Variants in PDE4D observed in about 807,000 individuals in gnomAD.
PDE4D encodes 3',5'-cyclic-AMP phosphodiesterase 4D.
A neutral mutation model predicts 87.4 loss-of-function variants in PDE4D; 24 were observed. That is an observed-to-expected ratio of 0.27 (90% CI 0.20 to 0.39). The LOEUF (loss-of-function observed/expected upper bound fraction) is 0.39. Among genes scored for constraint, PDE4D ranks in the 10% least tolerant of loss-of-function variants. The pLI, the probability that PDE4D is intolerant of heterozygous loss-of-function variation, is 1.00. For synonymous variants in PDE4D, 384 were observed against 383.2 expected, an observed-to-expected ratio of 1.00 and a Z score of -0.02; for missense variants, 714 against 1,041.0, an observed-to-expected ratio of 0.69 and a Z score of 4.32.
intron 1 of PDE4D, among the ~76,000 whole-genome samples, chr5:59,279,804 T>C (rs1288392311): frequency 6.9e-6 from 1 of 145,484 alleles, no homozygotes; most frequent in Non-Finnish European, 1.5e-5. Flanking sequence ...TGTATGTGTA[T>C]GTGTGTGTTT....
At chr5:59,275,588 G>A (rs1437567341) in intron 1 of PDE4D, 1 of 1,373,698 alleles carries the variant, frequency 7.3e-7, no homozygotes, top group Non-Finnish European at 9.4e-7. Flanking sequence ...TAACACGCAG[G>A]AGCGCTTTCT....
At position 60,386,208 on chromosome 5, in the gene PDE4D, A is replaced by G. The variant is rs1462678280; in HGVS notation, c.-90+101734T>C. On this transcript the variant is annotated intron_variant, in intron 1 of 16. Coordinates refer to the PDE4D transcript ENST00000502484. ...TAATTTTCCCTTTAGTACGTGCTTT[A>G]AAAAAAAATGACTAATTAGGAATTT... 2.0e-5 allele frequency among the ~76,000 whole-genome samples: 3 copies of G among 151,360 alleles called. No homozygotes were observed. In the East Asian group the frequency reaches 5.8e-4, roughly 29 times the overall value.
intron 1 of PDE4D, among the ~76,000 whole-genome samples, chr5:59,306,633 C>T (rs531769053): frequency 6.6e-6 from 1 of 152,048 alleles, no homozygotes; most frequent in African/African-American, 2.4e-5. Context: ...AATAAAATAC[C>T]TATGAATCCA....
In PDE4D at chr5:59,807,697, A is replaced by C. The variant is rs138109420; in HGVS notation, c.455+85471T>G. The stretch of plus-strand genomic sequence containing the variant: ...AACACTGAGGGAGCAGATAGAACCG[A>C]AACATTCAGGTTCTGCATTTGAACT... On this transcript the variant is annotated intron_variant, in intron 1 of 14. Transcript: ENST00000340635. Among the ~76,000 whole-genome samples the C allele has an allele frequency of 2.4e-3, 366 of 152,340 alleles. 2 individuals are homozygous for C. Among genetic ancestry groups the C allele is most frequent in the Non-Finnish European group, 2.5e-3 (171 of 68,024 alleles).
intron 6 of PDE4D, among the ~76,000 whole-genome samples, chr5:59,023,301 G>A (rs1164581600): frequency 6.6e-6 from 1 of 151,912 alleles, no homozygotes; most frequent in Admixed American, 6.6e-5. Flanking sequence ...TTATTTAGAA[G>A]CACATAGATC....
At position 60,392,549 on chromosome 5, in the gene PDE4D, C is replaced by T. The variant is rs61022251; in HGVS notation, c.-90+95393G>A. On this transcript the variant is annotated intron_variant, in intron 1 of 16. Coordinates refer to the PDE4D transcript ENST00000502484. The stretch of plus-strand genomic sequence containing the variant: ...CTCATTCACTTTTGTAACTCTGGTG[C>T]CCAGATTCTTGCCTGGCAGAGATAC... Among the ~76,000 whole-genome samples, 924 of 152,220 alleles carry T rather than the reference C, an allele frequency of 6.1e-3. 9 individuals are homozygous for T. Among genetic ancestry groups the T allele is most frequent in the African/African-American group, 0.019 (805 of 41,542 alleles).
Position 60,383,026 on chromosome 5 carries a change from G to T in PDE4D, c.-90+104916C>A, listed in dbSNP as rs75163750. On this transcript the variant is annotated intron_variant, in intron 1 of 16. Transcript: ENST00000502484. ...AAGGGAAAGTTTCACTGGAGTACAT[G>T]CAGAATAAGAACAGGGACCAATTTT... 7.0e-3 allele frequency among the ~76,000 whole-genome samples: 1,062 copies of T among 152,244 alleles called. 10 individuals are homozygous for T. The highest frequency in any genetic ancestry group is 0.025 in the African/African-American group (1,022 of 41,548).
intron 1 of PDE4D, among the ~76,000 whole-genome samples, chr5:59,307,460 A>C (rs1771622431): frequency 6.6e-6 from 1 of 152,184 alleles, no homozygotes; most frequent in Non-Finnish European, 1.5e-5. Context: ...CAACCTACTC[A>C]TCTGACAAAG....
chr5:59,156,324 T>A (rs868655072), intron 5 of PDE4D, among the ~76,000 whole-genome samples: 65 of 102,856 alleles, frequency 6.3e-4, no homozygotes, highest in Middle Eastern at 9.2e-3. Flanking sequence ...AAAAAAAATA[T>A]ATATATATGT....
chr5:59,577,426 CA>C (rs919904683), intron 1 of PDE4D, among the ~76,000 whole-genome samples: 57 of 152,190 alleles, frequency 3.7e-4, no homozygotes, highest in African/African-American at 1.3e-3. Context: ...GGTTTCTCTG[CA>C]TTACCTTTAA....
chr5:60,190,716 T>C (rs1785130745), intron 1 of PDE4D, among the ~76,000 whole-genome samples: 1 of 152,192 alleles, frequency 6.6e-6, no homozygotes, highest in African/African-American at 2.4e-5. Flanking sequence ...GTGCATGCAT[T>C]TTCCTAAAAC....
intron 1 of PDE4D, among the ~76,000 whole-genome samples, chr5:59,725,145 T>C (rs1209634890): frequency 6.6e-6 from 1 of 152,070 alleles, no homozygotes; most frequent in Non-Finnish European, 1.5e-5. Flanking sequence ...GCTTTACCTT[T>C]CCTTCTGGTT....
intron 1 of PDE4D, among the ~76,000 whole-genome samples, chr5:59,278,851 A>G (rs1214227796): frequency 6.6e-6 from 1 of 152,140 alleles, no homozygotes; most frequent in East Asian, 1.9e-4. Context: ...CAACACTTAC[A>G]TGGAAAGCGT....
intron 1 of PDE4D, among the ~76,000 whole-genome samples, chr5:59,595,042 T>C (rs1430839043): frequency 1.3e-5 from 2 of 152,176 alleles, no homozygotes; most frequent in Non-Finnish European, 2.9e-5. Context: ...AAAAATGCTT[T>C]AAAAAATAAA....
At chr5:60,232,772 G>C (rs146314381) in intron 1 of PDE4D, among the ~76,000 whole-genome samples, 1 of 151,790 alleles carries the variant, frequency 6.6e-6, no homozygotes, top group African/African-American at 2.4e-5. Flanking sequence ...ACTGAAACGT[G>C]CTCTATGGAG....
chr5:59,578,545 A>G (rs1346514360), intron 1 of PDE4D, among the ~76,000 whole-genome samples: 2 of 152,142 alleles, frequency 1.3e-5, no homozygotes, highest in African/African-American at 4.8e-5. Context: ...TATTCATTCA[A>G]CATCACTGAC....
chr5:59,757,803 A>T (rs1761463368), intron 1 of PDE4D, among the ~76,000 whole-genome samples: 1 of 151,984 alleles, frequency 6.6e-6, no homozygotes, highest in African/African-American at 2.4e-5. Flanking sequence ...TTGTTTTTAC[A>T]CCTCTTATGT....
Position 60,205,977 on chromosome 5 carries a change from A to C in PDE4D, c.-89-20290T>G, listed in dbSNP as rs371055886. Among the ~76,000 whole-genome samples the C allele has an allele frequency of 3.3e-5, 5 of 152,354 alleles. No individual in the cohort carries two copies. In the East Asian group the frequency reaches 9.6e-4, roughly 29 times the overall value. On this transcript the variant is annotated intron_variant, in intron 1 of 16. Coordinates refer to the PDE4D transcript ENST00000502484. ...TCATTTTGAAAATTGGACAAACTGCACAGTATTCAACTAATGTCATTAAGT... is the reference window on the plus strand; with the variant it reads ...TCATTTTGAAAATTGGACAAACTGCCCAGTATTCAACTAATGTCATTAAGT...
At chr5:59,172,146 A>T (rs1309754278) in intron 5 of PDE4D, among the ~76,000 whole-genome samples, 4 of 97,412 alleles carry the variant, frequency 4.1e-5, no homozygotes, top group Non-Finnish European at 7.3e-5. Context: ...TAAATATATA[A>T]TATTATATAT....
Sources: gnomAD v4.1 joint callset for allele counts (sites outside exome capture counted in the v4.1 genomes callset) on GRCh38, gnomAD v4.1.1 for gene constraint, MANE v1.5 for transcripts, NCBI Gene and HGNC (gene_info 2026-07-23, HGNC 2026-07-21) for gene names.